The following FLRT2 variants were observed in gnomAD, a reference collection of about 807,000 sequenced individuals.
FLRT2 encodes fibronectin leucine rich transmembrane protein 2, also known as leucine-rich repeat transmembrane protein FLRT2.
In FLRT2, 15 loss-of-function variants were observed where a neutral mutation model predicts 40.0. The observed-to-expected ratio is 0.38, with a 90% CI of 0.25 to 0.58. The LOEUF (loss-of-function observed/expected upper bound fraction) is 0.58, where lower values mean the gene tolerates loss of function less well. Ranked by LOEUF, FLRT2 falls within the 20% of genes least tolerant of loss-of-function variation. FLRT2 has a pLI of 0.71. For missense variants in FLRT2, 726 were observed against 840.0 expected (o/e 0.86, Z 1.68); for synonymous variants, 380 against 336.8 (o/e 1.13, Z -1.41).
chr14:85,570,452 AG>A (rs1263188661), intron 1 of FLRT2, among the ~76,000 whole-genome samples: 1 of 152,146 alleles, frequency 6.6e-6, no homozygotes. Context: ...AACATTGCAT[AG>A]GTGTGCTTCA....
rs758362083 is a variant in FLRT2 at position 85,623,100 on chromosome 14, A to C, written c.1586A>C (p.His529Pro). The C allele has an allele frequency of 3.1e-6, 5 of 1,613,558 alleles. No individual in the cohort carries two copies. In the African/African-American group the frequency reaches 6.7e-5, roughly 22 times the overall value. ...AACGGCAGCAACACAGCGTCCAGCC[A>C]TGAGCAGACGACGTCCCACAGCATG... ...LNNGSNTASS[H>P]EQTTSHSMGS... Residue 529 changes from histidine (H) to proline (P), a missense_variant, in exon 2 of 2, where the codon CAT becomes CCT. His to Pro is a moderately conservative substitution (Grantham distance 77). Transcript: ENST00000330753.
intron 1 of FLRT2, among the ~76,000 whole-genome samples, chr14:85,543,333 A>C (rs746067148): frequency 6.6e-6 from 1 of 152,042 alleles, no homozygotes; most frequent in Admixed American, 6.6e-5. Context: ...TGACTTTCTG[A>C]AAGTTTTTCT....
In FLRT2 at chr14:85,585,875, G is replaced by T. The variant is rs568831267; in HGVS notation, c.-376-35264G>T. On this transcript the variant is annotated intron_variant, in intron 1 of 1. Transcript: ENST00000330753. ...ATTTTCTGTTCTTGATGTTCTGCGG[G>T]AGTAATGATGCACCAGATGATAATG... Among the ~76,000 whole-genome samples, 10 of 152,008 alleles carry T rather than the reference G, an allele frequency of 6.6e-5. No homozygotes were observed. In the South Asian group the frequency reaches 2.1e-3, roughly 32 times the overall value.
At position 85,643,381 on chromosome 14, in the gene FLRT2, T is replaced by G. The variant is rs1454595871; in HGVS notation, c.*19884T>G. ...TTCCTTCCTTCCTTCCTTCCTTTCT[T>G]TCCTTTCTCCTTTTTCTTTTTTTTG... On this transcript the variant is annotated 3_prime_UTR_variant, in exon 2 of 2. Coordinates refer to ENST00000330753, the MANE Select transcript of FLRT2 (RefSeq NM_013231.6). The G allele has an allele frequency of 1.4e-5, 2 of 146,612 alleles. No homozygotes were observed. The highest frequency in any genetic ancestry group is 3.0e-5 in the Non-Finnish European group (2 of 66,768). The allele number at this position is 146,612 out of a possible 1,614,324, so 9.1% of individuals were successfully genotyped here.
At chr14:85,594,682 T>C (rs543206152) in intron 1 of FLRT2, among the ~76,000 whole-genome samples, 146 of 152,310 alleles carry the variant, frequency 9.6e-4, no homozygotes, top group Non-Finnish European at 1.5e-3. Context: ...CGTCTCCTAT[T>C]CAATTTTCCT....
At chr14:85,575,604 G>A (rs1891097586) in intron 1 of FLRT2, among the ~76,000 whole-genome samples, 1 of 152,138 alleles carries the variant, frequency 6.6e-6, no homozygotes, top group Non-Finnish European at 1.5e-5. Context: ...CCAAACCACT[G>A]TTTTGTAAAA....
chr14:85,589,982 G>A (rs1043022730), intron 1 of FLRT2, among the ~76,000 whole-genome samples: 7 of 151,744 alleles, frequency 4.6e-5, no homozygotes, highest in Admixed American at 1.3e-4. Flanking sequence ...CCAGTACCAC[G>A]CTGTTTTGGT....
chr14:85,535,223 T>C (rs1888572845), intron 1 of FLRT2, among the ~76,000 whole-genome samples: 1 of 152,208 alleles, frequency 6.6e-6, no homozygotes, highest in Non-Finnish European at 1.5e-5. Flanking sequence ...CACAGACTTA[T>C]TGCTAAATTT....
At chr14:85,588,012 A>G (rs1400462942) in intron 1 of FLRT2, among the ~76,000 whole-genome samples, 2 of 151,860 alleles carry the variant, frequency 1.3e-5, no homozygotes, top group Admixed American at 1.3e-4. Context: ...GCTCACCGCA[A>G]TCTCGGCCTC....
intron 1 of FLRT2, among the ~76,000 whole-genome samples, chr14:85,550,148 T>A (rs1889524902): frequency 6.6e-6 from 1 of 152,182 alleles, no homozygotes; most frequent in Non-Finnish European, 1.5e-5. Context: ...AACAACTGCA[T>A]GTAGAGGAGG....
intron 1 of FLRT2, among the ~76,000 whole-genome samples, chr14:85,542,613 C>A (rs1392364136): frequency 6.6e-6 from 1 of 152,010 alleles, no homozygotes; most frequent in South Asian, 2.1e-4. Flanking sequence ...CAGCATAAAA[C>A]AAAAAGACCT....
rs563102512 is a variant in FLRT2 at position 85,619,418 on chromosome 14, C to T, written c.-376-1721C>T. On this transcript the variant is annotated intron_variant, in intron 1 of 1. Coordinates refer to ENST00000330753, the MANE Select transcript of FLRT2 (RefSeq NM_013231.6). The stretch of plus-strand genomic sequence containing the variant: ...CCATGCTTGATTTTTAATAAAGCAT[C>T]GTATCTCTCTATTTTACCTGAAAAA... Among the ~76,000 whole-genome samples the T allele has an allele frequency of 3.3e-5, 5 of 152,098 alleles. No individual in the cohort carries two copies. In the East Asian group the frequency reaches 7.8e-4, roughly 24 times the overall value.
intron 1 of FLRT2, among the ~76,000 whole-genome samples, chr14:85,545,086 C>T (rs973130490): frequency 3.3e-5 from 5 of 152,154 alleles, no homozygotes; most frequent in African/African-American, 7.2e-5. Context: ...AGGCTTATAA[C>T]ACCACCCCAG....
At position 85,632,574 on chromosome 14, in the gene FLRT2, T is replaced by C. The variant is rs1893906157; in HGVS notation, c.*9077T>C. The C allele has an allele frequency of 6.7e-6, 1 of 148,210 alleles. No individual in the cohort carries two copies. Among genetic ancestry groups the C allele is most frequent in the Admixed American group, 6.9e-5 (1 of 14,586 alleles). 9.2% of individuals were successfully genotyped at this position (148,210 alleles called of 1,614,324 possible). ...CATTTCGACAGTCGGCTAGTCAAAA[T>C]GAATTCTTTGCATGTGAAAAGCAGA... On this transcript the variant is annotated 3_prime_UTR_variant, in exon 2 of 2. Transcript: ENST00000330753.
chr14:85,585,453 T>A (rs1891572902), intron 1 of FLRT2, among the ~76,000 whole-genome samples: 1 of 152,172 alleles, frequency 6.6e-6, no homozygotes, highest in East Asian at 1.9e-4. Context: ...TTATCTTCAT[T>A]TTAAAAAATG....
intron 1 of FLRT2, among the ~76,000 whole-genome samples, chr14:85,608,496 AGTGC>A (rs1892725542): frequency 6.6e-6 from 1 of 152,142 alleles, no homozygotes; most frequent in Non-Finnish European, 1.5e-5. Context: ...GGCTTCCCAA[AGTGC>A]TAGGATTACA....
chr14:85,611,957 T>TGG (rs1892894203), intron 1 of FLRT2, among the ~76,000 whole-genome samples: 1 of 148,180 alleles, frequency 6.7e-6, no homozygotes, highest in South Asian at 2.1e-4. Flanking sequence ...TGTGTGTGTG[T>TGG]GTGTGTATTG....
chr14:85,648,486 T>C lies in FLRT2; in HGVS notation c.*24989T>C, dbSNP rs1368886549. On this transcript the variant is annotated 3_prime_UTR_variant, in exon 2 of 2. Transcript: ENST00000330753. ...ATTAGCAAGTTTGCTAAGACATGAG[T>C]GTCAAGGGAAGTTGAGGTGGAGATG... 1 of 152,144 alleles carries C rather than the reference T, an allele frequency of 6.6e-6. No homozygotes were observed. The highest frequency in any genetic ancestry group is 1.5e-5 in the Non-Finnish European group (1 of 68,026). 9.4% of individuals were successfully genotyped at this position (152,144 alleles called of 1,614,324 possible). A position where few individuals can be genotyped will look rare whatever the true frequency, so the allele number is the denominator to read the frequency against.
At position 85,639,851 on chromosome 14, in the gene FLRT2, C is replaced by CTTTTTTTTTTTTTTTTTTTCCT. The variant is rs869148428; in HGVS notation, c.*16369_*16370insTTTTCCTTTTTTTTTTTTTTTT. On this transcript the variant is annotated 3_prime_UTR_variant, in exon 2 of 2. Coordinates refer to ENST00000330753, the MANE Select transcript of FLRT2 (RefSeq NM_013231.6). ...GAAATTCTTTATTTTTTTTTTTTTCCTTTTTTTTTTTTTTTGAGACAGTGT... is the reference window on the plus strand; with the variant it reads ...GAAATTCTTTATTTTTTTTTTTTTCCTTTTTTTTTTTTTTTTTTTCCTTTTTTTTTTTTTTTTGAGACAGTGT... 1 of 119,250 alleles carries CTTTTTTTTTTTTTTTTTTTCCT rather than the reference C, an allele frequency of 8.4e-6. No individual in the cohort carries two copies. The highest frequency in any genetic ancestry group is 3.4e-5 in the African/African-American group (1 of 29,556). 7.4% of individuals were successfully genotyped at this position (119,250 alleles called of 1,614,324 possible).
Sources: gnomAD v4.1 joint callset for allele counts (sites outside exome capture counted in the v4.1 genomes callset) on GRCh38, gnomAD v4.1.1 for gene constraint, MANE v1.5 for transcripts, NCBI Gene and HGNC (gene_info 2026-07-23, HGNC 2026-07-21) for gene names.